The following CD38 variants were observed in gnomAD, a reference collection of about 807,000 sequenced individuals.
The protein encoded by CD38 is CD38 molecule.
Under a neutral mutation model 36.3 loss-of-function variants are expected in CD38, and 31 were observed. The ratio of observed to expected loss-of-function variants is 0.85; its 90% CI spans 0.64 to 1.15. The LOEUF (loss-of-function observed/expected upper bound fraction) is 1.15, where lower values mean the gene tolerates loss of function less well. Ranked by LOEUF, CD38 falls within the 50% of genes most tolerant of loss-of-function variation. The probability of loss-of-function intolerance (pLI) is 0.00; values close to 1 mark genes in which losing one functional copy is unlikely to be tolerated. For missense variants in CD38, 380 were observed against 371.9 expected (o/e 1.02, Z -0.18); for synonymous variants, 131 against 135.2 (o/e 0.97, Z 0.22).
intron 1 of CD38, among the ~76,000 whole-genome samples, chr4:15,779,133 C>G (rs1722631454): frequency 6.6e-6 from 1 of 152,202 alleles, no homozygotes; most frequent in South Asian, 2.1e-4. Context: ...AAGTGGTTTG[C>G]AAAGCCTGTG....
intron 1 of CD38, among the ~76,000 whole-genome samples, chr4:15,814,135 G>A (rs1235271470): frequency 2.6e-5 from 4 of 152,216 alleles, no homozygotes; most frequent in Non-Finnish European, 5.9e-5. Context: ...TTTAATGATC[G>A]TCATTCTAAC....
chr4:15,824,068 G>A (rs527975148), intron 2 of CD38, among the ~76,000 whole-genome samples: 1 of 152,070 alleles, frequency 6.6e-6, no homozygotes, highest in Non-Finnish European at 1.5e-5. Flanking sequence ...AATGCTGCAT[G>A]TTCTCACTTA....
intron 4 of CD38, among the ~76,000 whole-genome samples, chr4:15,837,539 C>CAAAG (rs1724095586): frequency 6.6e-6 from 1 of 152,156 alleles, no homozygotes; most frequent in Admixed American, 6.5e-5. Context: ...CAAAGTCTAA[C>CAAAG]AAAGATTCCT....
At chr4:15,824,123 A>C (rs530705499) in intron 2 of CD38, among the ~76,000 whole-genome samples, 4 of 152,236 alleles carry the variant, frequency 2.6e-5, no homozygotes, top group African/African-American at 9.6e-5. Flanking sequence ...CCAGGAGGGG[A>C]AAAACACACA....
rs553136796 is a variant in CD38 at position 15,849,685 on chromosome 4, C to G, written c.*1083C>G. The G allele has an allele frequency of 2.0e-5, 3 of 152,230 alleles. No individual in the cohort carries two copies. Among genetic ancestry groups the G allele is most frequent in the African/African-American group, 7.2e-5 (3 of 41,556 alleles). The allele number at this position is 152,230 out of a possible 1,614,324, so 9.4% of individuals were successfully genotyped here. ...TGTATTACTTTTTCAAAGAACTAAG[C>G]TTTAGCTTCATTGATTTTTTTCTAT... On this transcript the variant is annotated 3_prime_UTR_variant, in exon 8 of 8. Coordinates refer to ENST00000226279, the MANE Select transcript of CD38 (RefSeq NM_001775.4).
chr4:15,826,946 G>T lies in CD38; in HGVS notation c.499+1930G>T, dbSNP rs16892433. On this transcript the variant is annotated intron_variant, in intron 3 of 7. Transcript: ENST00000226279. ...TTTCTGTTTCTTCTGTAAGCTGGCA[G>T]TTCATATATTTTGACCATCTGTATG... Among the ~76,000 whole-genome samples, 479 of 152,196 alleles carry T rather than the reference G, an allele frequency of 3.1e-3. 3 individuals carry two copies. Among genetic ancestry groups the T allele is most frequent in the African/African-American group, 0.011 (457 of 41,532 alleles).
chr4:15,790,464 T>C (rs954034702), intron 1 of CD38, among the ~76,000 whole-genome samples: 7 of 151,898 alleles, frequency 4.6e-5, no homozygotes. Context: ...GGACGGAGTC[T>C]CGTTCACTCG....
At chr4:15,781,403 A>G (rs1722692324) in intron 1 of CD38, among the ~76,000 whole-genome samples, 1 of 152,240 alleles carries the variant, frequency 6.6e-6, no homozygotes, top group African/African-American at 2.4e-5. Context: ...GAGAAACAAC[A>G]TTTATATAAC....
chr4:15,786,369 T>G (rs1418418659), intron 1 of CD38, among the ~76,000 whole-genome samples: 1 of 152,164 alleles, frequency 6.6e-6, no homozygotes, highest in Non-Finnish European at 1.5e-5. Flanking sequence ...TTTACAAACC[T>G]TGAGCTAGAC....
chr4:15,819,905 A>G (rs1018807877), intron 2 of CD38, among the ~76,000 whole-genome samples: 3 of 152,178 alleles, frequency 2.0e-5, no homozygotes, highest in Admixed American at 6.5e-5. Context: ...CCCCAGTAAG[A>G]TACTCCATGA....
In CD38 at chr4:15,825,140, A is replaced by G; in HGVS notation, c.499+124A>G. The G allele has an allele frequency of 3.6e-6, 3 of 836,462 alleles. No individual in the cohort carries two copies. The South Asian group carries it at 5.4e-5, about 15-fold the overall frequency. 51.8% of individuals were successfully genotyped at this position (836,462 alleles called of 1,614,324 possible). ...ACAGGCACCCATCCTGATGCCATCT[A>G]TACTTATATTAGTCCATTTGTGTTG... is the stretch of plus-strand genomic sequence containing the variant. On this transcript the variant is annotated intron_variant, in intron 3 of 7. Transcript: ENST00000226279.
chr4:15,809,458 A>G (rs1427868268), intron 1 of CD38, among the ~76,000 whole-genome samples: 1 of 152,148 alleles, frequency 6.6e-6, no homozygotes, highest in African/African-American at 2.4e-5. Context: ...CCCCTGGTTG[A>G]CCATTAGAAT....
rs975099179 is a variant in CD38 at position 15,849,847 on chromosome 4, T to C, written c.*1245T>C. The C allele has an allele frequency of 3.9e-5, 6 of 152,226 alleles. No homozygotes were observed. The South Asian group carries it at 1.2e-3, about 32-fold the overall frequency. 9.4% of individuals were successfully genotyped at this position (152,226 alleles called of 1,614,324 possible). On this transcript the variant is annotated 3_prime_UTR_variant, in exon 8 of 8. Coordinates refer to ENST00000226279, the MANE Select transcript of CD38 (RefSeq NM_001775.4). Reference sequence around the variant, plus strand: ...CCTTCAGCTTGTTTTCTTTTTTGTATACATAGATTTTAGGACGATATATTT... The same window carrying C: ...CCTTCAGCTTGTTTTCTTTTTTGTACACATAGATTTTAGGACGATATATTT...
At chr4:15,781,478 C>T (rs906252379) in intron 1 of CD38, among the ~76,000 whole-genome samples, 4 of 152,212 alleles carry the variant, frequency 2.6e-5, no homozygotes, top group Non-Finnish European at 4.4e-5. Context: ...ATTGTGAAGT[C>T]GGGCAAGCCC....
intron 1 of CD38, among the ~76,000 whole-genome samples, chr4:15,794,928 A>G (rs1723077468): frequency 6.6e-6 from 1 of 152,230 alleles, no homozygotes; most frequent in Non-Finnish European, 1.5e-5. Flanking sequence ...GCAAAAGAGT[A>G]GTTTATTAGC....
intron 1 of CD38, among the ~76,000 whole-genome samples, chr4:15,783,213 CCAGTGTCTGGTGATAGTCAGGA>C (rs1279892021): frequency 6.6e-6 from 1 of 152,064 alleles, no homozygotes; most frequent in Non-Finnish European, 1.5e-5. Flanking sequence ...GGGAGGGAGC[CCAGTGTCTGGTGATAGTCAGGA>C]CGGACCCAGG....
intron 2 of CD38, among the ~76,000 whole-genome samples, chr4:15,821,299 C>A (rs1285501950): frequency 6.6e-6 from 1 of 151,398 alleles, no homozygotes; most frequent in Non-Finnish European, 1.5e-5. Context: ...CAAGAGAAAA[C>A]AAATCCCAAA....
At chr4:15,812,032 A>G (rs1415912959) in intron 1 of CD38, among the ~76,000 whole-genome samples, 3 of 152,108 alleles carry the variant, frequency 2.0e-5, no homozygotes, top group East Asian at 1.9e-4. Context: ...GTGTTATTCA[A>G]GGTTGAGGTC....
rs140420731 is a variant in CD38 at position 15,798,219 on chromosome 4, A to G, written c.234-18292A>G. ...CCACTTTAAAATGTTGTTGACACAC[A>G]TAACAAGACATCCAGAAGTGGGGTG... On this transcript the variant is annotated intron_variant, in intron 1 of 7. Coordinates refer to ENST00000226279, the MANE Select transcript of CD38 (RefSeq NM_001775.4). 1.1e-3 allele frequency among the ~76,000 whole-genome samples: 165 copies of G among 152,316 alleles called. 2 individuals are homozygous for G. The highest frequency in any genetic ancestry group is 3.8e-3 in the African/African-American group (159 of 41,584).
Sources: gnomAD v4.1 joint callset for allele counts (sites outside exome capture counted in the v4.1 genomes callset) on GRCh38, gnomAD v4.1.1 for gene constraint, MANE v1.5 for transcripts, NCBI Gene and HGNC (gene_info 2026-07-23, HGNC 2026-07-21) for gene names.